The following ASRGL1 variants were observed in gnomAD, a reference collection of about 807,000 sequenced individuals.
ASRGL1 encodes isoaspartyl peptidase/L-asparaginase.
ASRGL1 carries 16 observed loss-of-function variants against 22.4 expected under a neutral mutation model. The observed-to-expected ratio is 0.71, with a 90% CI of 0.48 to 1.08. ASRGL1 has a LOEUF of 1.08. ASRGL1 is among the 50% of genes least tolerant of loss of function. ASRGL1 has a pLI of 0.00. For synonymous variants in ASRGL1, 165 were observed against 159.3 expected, an observed-to-expected ratio of 1.04 and a Z score of -0.27; for missense variants, 412 against 410.1, an observed-to-expected ratio of 1.00 and a Z score of -0.04.
intron 2 of ASRGL1, among the ~76,000 whole-genome samples, chr11:62,346,752 C>A (rs970824547): frequency 6.6e-6 from 1 of 152,186 alleles, no homozygotes; most frequent in Non-Finnish European, 1.5e-5. Flanking sequence ...GGCAGATCAC[C>A]TGAGGTCAGG....
In ASRGL1 at chr11:62,369,820, G is replaced by A. The variant is rs540181768; in HGVS notation, c.491+12676G>A. 3.3e-5 allele frequency among the ~76,000 whole-genome samples: 5 copies of A among 152,262 alleles called. No homozygotes were observed. In the East Asian group the frequency reaches 9.6e-4, roughly 29 times the overall value. On this transcript the variant is annotated intron_variant, in intron 4 of 6. Coordinates refer to ENST00000415229, the MANE Select transcript of ASRGL1 (RefSeq NM_001083926.2). Reference sequence around the variant, plus strand: ...CTCAGACTCATTATAAACTCGGGGTGTAATACAAAAGTCCGACGTATTCCA... The same window carrying A: ...CTCAGACTCATTATAAACTCGGGGTATAATACAAAAGTCCGACGTATTCCA...
At chr11:62,342,144 C>T (rs1050990018) in intron 2 of ASRGL1, among the ~76,000 whole-genome samples, 1 of 152,020 alleles carries the variant, frequency 6.6e-6, no homozygotes, top group Admixed American at 6.6e-5. Flanking sequence ...CTATTTGTTT[C>T]GATTGGCTCG....
chr11:62,375,061 G>A (rs1946877327), intron 4 of ASRGL1, among the ~76,000 whole-genome samples: 1 of 151,852 alleles, frequency 6.6e-6, no homozygotes, highest in African/African-American at 2.4e-5. Flanking sequence ...TTAGATCTTC[G>A]GTGGCCTCAT....
intron 2 of ASRGL1, among the ~76,000 whole-genome samples, chr11:62,348,361 A>G (rs572852589): frequency 4.6e-5 from 7 of 152,262 alleles, no homozygotes; most frequent in African/African-American, 1.7e-4. Flanking sequence ...GTTTAGGGAA[A>G]GGGGTGCGAC....
At chr11:62,351,904 G>T (rs1271116916) in intron 2 of ASRGL1, among the ~76,000 whole-genome samples, 3 of 152,106 alleles carry the variant, frequency 2.0e-5, no homozygotes, top group African/African-American at 7.2e-5. Flanking sequence ...AAACTCATGG[G>T]CTCAAGCACT....
chr11:62,371,240 G>A lies in ASRGL1; in HGVS notation c.491+14096G>A, dbSNP rs1946753493. On this transcript the variant is annotated intron_variant, in intron 4 of 6. Transcript: ENST00000415229. ...ACGTGGCGGCCCCGCAGCCGGAAGC[G>A]CGAGCCTCCCGAGCGCTGCAGTAGC... 7.8e-6 allele frequency: 10 copies of A among 1,279,380 alleles called. 1 individual carries two copies. The South Asian group carries it at 1.6e-4, about 20-fold the overall frequency. The allele number at this position is 1,279,380 out of a possible 1,614,324, so 79.3% of individuals were successfully genotyped here.
In ASRGL1 at chr11:62,356,190, A is replaced by C; in HGVS notation, c.191-135A>C. ...GCAGAGGGGCTCCTCACTTCCCAGT[A>C]GGGGCAGCCGGGCAGAGGCGCCCCT... On this transcript the variant is annotated intron_variant, in intron 2 of 6. Transcript: ENST00000415229. 3.0e-6 allele frequency: 3 copies of C among 1,005,524 alleles called. No homozygotes were observed. The South Asian group carries it at 4.6e-5, about 15-fold the overall frequency. 62.3% of individuals were successfully genotyped at this position (1,005,524 alleles called of 1,614,324 possible). A position where few individuals can be genotyped will look rare whatever the true frequency, so the allele number is the denominator to read the frequency against.
At chr11:62,342,921 T>C (rs145236455) in intron 2 of ASRGL1, among the ~76,000 whole-genome samples, 7 of 152,330 alleles carry the variant, frequency 4.6e-5, no homozygotes, top group Admixed American at 2.0e-4. Flanking sequence ...CCACAGTTGG[T>C]TTAACCATGT....
intron 2 of ASRGL1, among the ~76,000 whole-genome samples, chr11:62,339,834 T>C (rs921709535): frequency 6.6e-5 from 10 of 152,176 alleles, no homozygotes; most frequent in African/African-American, 1.7e-4. Flanking sequence ...AGGCTAGAGA[T>C]TGAAATACTT....
rs186837333 is a variant in ASRGL1, at chr11:62,372,754, G to A, written c.491+15610G>A. 5.0e-4 allele frequency: 767 copies of A among 1,542,508 alleles called. 1 individual carries two copies. Among genetic ancestry groups the A allele is most frequent in the East Asian group, 5.0e-3 (221 of 44,450 alleles). ...CTGGTGAAGCTATTTGACTTCCCTG[G>A]GCATGGGGCTTCCCAGATCTATGCT... is the stretch of plus-strand genomic sequence containing the variant. On this transcript the variant is annotated intron_variant, in intron 4 of 6. Coordinates refer to ENST00000415229, the MANE Select transcript of ASRGL1 (RefSeq NM_001083926.2).
At chr11:62,389,021 G>A in intron 4 of ASRGL1, 112 bp from the exon 5 acceptor site, 1 of 882,096 alleles carries the variant, frequency 1.1e-6, no homozygotes, top group Non-Finnish European at 1.8e-6. Flanking sequence ...AATTAAATGG[G>A]TGCCCCATCA....
chr11:62,398,075 G>A (rs918285149), downstream of ASRGL1, among the ~76,000 whole-genome samples: 4 of 151,976 alleles, frequency 2.6e-5, no homozygotes, highest in South Asian at 2.1e-4. Context: ...GGGCCAGGCC[G>A]ACCATTTCAA....
chr11:62,348,523 C>T lies in ASRGL1; in HGVS notation c.191-7802C>T, dbSNP rs183366441. Reference sequence around the variant, plus strand: ...GATCGAGACCAGCCTGGCCAACATGCGAAACCCCGTCTCTACTAAAAATAC... The same window carrying T: ...GATCGAGACCAGCCTGGCCAACATGTGAAACCCCGTCTCTACTAAAAATAC... On this transcript the variant is annotated intron_variant, in intron 2 of 6. Transcript: ENST00000415229. 4.6e-3 allele frequency among the ~76,000 whole-genome samples: 704 copies of T among 151,780 alleles called. 10 individuals carry two copies. The highest frequency in any genetic ancestry group is 0.016 in the African/African-American group (650 of 41,384).
In ASRGL1 at chr11:62,384,031, T is replaced by TGTGC. The variant is rs937163625; in HGVS notation, c.492-5098_492-5095dup. ...GTGTGCATGTGTGTGTGTGCACGTG[T>TGTGC]GTGCGTGTGTGTGTGTGTGTGTTTG... On this transcript the variant is annotated intron_variant, in intron 4 of 6. Transcript: ENST00000415229. 1.1e-4 allele frequency among the ~76,000 whole-genome samples: 16 copies of TGTGC among 140,180 alleles called. No homozygotes were observed. The South Asian group carries it at 2.7e-3, about 24-fold the overall frequency. The allele number at this position is 140,180 out of a possible 152,430, so 92.0% of individuals were successfully genotyped here.
intron 4 of ASRGL1, among the ~76,000 whole-genome samples, chr11:62,376,100 C>CAAAAAAAA (rs35931241): frequency 5.8e-5 from 3 of 51,560 alleles, no homozygotes; most frequent in Admixed American, 3.0e-4. Flanking sequence ...GACTCCATCT[C>CAAAAAAAA]AAAAAAAAAA....
At position 62,342,807 on chromosome 11, in the gene ASRGL1, C is replaced by T. The variant is rs114160334; in HGVS notation, c.190+4640C>T. ...GAATCACACAATGTGTAGCCTTAGT[C>T]TGGATTCTTTGGTTAACATAATACA... On this transcript the variant is annotated intron_variant, in intron 2 of 6. Coordinates refer to ENST00000415229, the MANE Select transcript of ASRGL1 (RefSeq NM_001083926.2). Among the ~76,000 whole-genome samples the T allele has an allele frequency of 6.4e-3, 978 of 151,780 alleles. 10 individuals are homozygous for T. Among genetic ancestry groups the T allele is most frequent in the African/African-American group, 0.023 (932 of 41,412 alleles).
chr11:62,356,818 C>T (rs562842363), intron 3 of ASRGL1, among the ~76,000 whole-genome samples, 169 bp from the exon 4 acceptor site: 5 of 152,176 alleles, frequency 3.3e-5, no homozygotes, highest in African/African-American at 1.2e-4. Context: ...TTTTTTAATA[C>T]AAAAACTCAG....
chr11:62,372,801 G>A (rs537202978), intron 4 of ASRGL1: 74 of 1,587,388 alleles, frequency 4.7e-5, no homozygotes, highest in South Asian at 1.1e-4. Flanking sequence ...CTCCTTTGCC[G>A]TCAGTGAAGT....
At chr11:62,393,823 T>TC (rs1328657246), downstream of ASRGL1, among the ~76,000 whole-genome samples, 1 of 151,836 alleles carries the variant, frequency 6.6e-6, no homozygotes, top group Non-Finnish European at 1.5e-5. Context: ...AGGCTAAAAG[T>TC]CCAAGATCAA....
Sources: gnomAD v4.1 joint callset for allele counts (sites outside exome capture counted in the v4.1 genomes callset) on GRCh38, gnomAD v4.1.1 for gene constraint, MANE v1.5 for transcripts, NCBI Gene and HGNC (gene_info 2026-07-23, HGNC 2026-07-21) for gene names.